The following MYOF variants were observed in gnomAD, a reference collection of about 807,000 sequenced individuals.
MYOF encodes the protein fer-1-like 3, myoferlin.
In MYOF, 244 loss-of-function variants were observed where a neutral mutation model predicts 284.2. The observed-to-expected ratio is 0.86, with a 90% CI of 0.77 to 0.95. MYOF has a LOEUF of 0.95. MYOF is among the 40% of genes least tolerant of loss of function. MYOF has a pLI of 0.00. For synonymous variants in MYOF, 904 were observed against 919.7 expected (o/e 0.98, Z 0.31); for missense variants, 2,496 against 2,560.6 (o/e 0.97, Z 0.54).
chr10:93,384,114 C>A (rs1224305064), intron 19 of MYOF, among the ~76,000 whole-genome samples: 1 of 152,162 alleles, frequency 6.6e-6, no homozygotes, highest in Non-Finnish European at 1.5e-5. Context: ...CGCTGGATCA[C>A]TGTGCAAGCC....
intron 3 of MYOF, among the ~76,000 whole-genome samples, chr10:93,434,159 G>T (rs778257591): frequency 6.6e-6 from 1 of 152,020 alleles, no homozygotes; most frequent in Admixed American, 6.6e-5. Flanking sequence ...GGCCAGGTGC[G>T]GTGGCTCATG....
In MYOF at chr10:93,336,052, AACC is replaced by A. The variant is rs747622888; in HGVS notation, c.4438-9_4438-7del. The A allele has an allele frequency of 6.2e-7, 1 of 1,613,120 alleles. No individual in the cohort carries two copies. The highest frequency in any genetic ancestry group is 1.3e-5 in the African/African-American group (1 of 74,872). On this transcript the variant is annotated splice_polypyrimidine_tract_variant and splice_region_variant and intron_variant, in intron 40 of 53. Coordinates refer to ENST00000359263, the MANE Select transcript of MYOF (RefSeq NM_013451.4). ...TCTAGTTCACAATTATATATCTGAAAACCACCAACAGAGTCTTAATTTCTCATT... is the reference window on the plus strand; with the variant it reads ...TCTAGTTCACAATTATATATCTGAAAACCAACAGAGTCTTAATTTCTCATT...
intron 49 of MYOF, among the ~76,000 whole-genome samples, chr10:93,318,377 C>T (rs1251515259): frequency 6.6e-6 from 1 of 151,994 alleles, no homozygotes; most frequent in Admixed American, 6.6e-5. Context: ...GCTGTGAGTG[C>T]ACCACTACAC....
At chr10:93,461,428 T>C (rs1167987659) in intron 1 of MYOF, among the ~76,000 whole-genome samples, 1 of 151,984 alleles carries the variant, frequency 6.6e-6, no homozygotes, top group African/African-American at 2.4e-5. Flanking sequence ...ACGGGACTGA[T>C]AGAGAAAGGA....
In MYOF at chr10:93,396,169, T is replaced by C. The variant is rs769660930; in HGVS notation, c.1390A>G (p.Ile464Val). 1.2e-6 allele frequency: 2 copies of C among 1,609,706 alleles called. No homozygotes were observed. The highest frequency in any genetic ancestry group is 1.7e-6 in the Non-Finnish European group (2 of 1,177,516). ...TCCACTTCCCCACCAGAGGCAGCAA[T>C]TTTAGAGAGGTGTAGATATGTTGTT... is the stretch of plus-strand genomic sequence containing the variant. Reference protein sequence around the residue: ...VGTTYLHLSKIAASGGEVEDF... With the variant: ...VGTTYLHLSKVAASGGEVEDF... The change falls in exon 16 of 54, where the codon ATT (isoleucine) becomes GTT (valine). Residue 464 changes from isoleucine (I) to valine (V), a missense_variant. By Grantham distance (29) the Ile-to-Val change is conservative. Around this residue, in one of 3 missense-constraint regions of MYOF, gnomAD observed 2,436 missense variants for 2,480.7 expected, o/e 0.98. Transcript: ENST00000359263.
chr10:93,452,000 CAGTG>C, intron 3 of MYOF, 46 bp downstream of exon 3: 3 of 1,260,696 alleles, frequency 2.4e-6, no homozygotes, highest in Non-Finnish European at 3.4e-6. Context: ...AAATAAACAA[CAGTG>C]AGATAGTAAT....
rs58503520 is a variant in MYOF, at chr10:93,428,566, A to AACACACACAC, written c.346-2418_346-2409dup. Among the ~76,000 whole-genome samples the AACACACACAC allele has an allele frequency of 3.6e-3, 513 of 143,916 alleles. 1 individual carries two copies. The highest frequency in any genetic ancestry group is 5.7e-3 in the Admixed American group (81 of 14,326). The allele number at this position is 143,916 out of a possible 152,430, so 94.4% of individuals were successfully genotyped here. The stretch of plus-strand genomic sequence containing the variant: ...TTTGCCACTTTTCCTACATCTGGTA[A>AACACACACAC]ACACACACACACACACACACACACA... On this transcript the variant is annotated intron_variant, in intron 4 of 53. Coordinates refer to ENST00000359263, the MANE Select transcript of MYOF (RefSeq NM_013451.4).
At chr10:93,318,723 A>T (rs769739880) in intron 49 of MYOF, among the ~76,000 whole-genome samples, 5 of 152,104 alleles carry the variant, frequency 3.3e-5, no homozygotes, top group Non-Finnish European at 7.3e-5. Flanking sequence ...GCACCATTGC[A>T]CTCCAGCCTG....
At chr10:93,317,330 T>C (rs909778265) in intron 49 of MYOF, among the ~76,000 whole-genome samples, 6 of 149,926 alleles carry the variant, frequency 4.0e-5, no homozygotes, top group Admixed American at 1.4e-4. Flanking sequence ...ATGTCTGGGA[T>C]TTTTGGCCTT....
At chr10:93,426,008 C>A in intron 5 of MYOF, 63 bp downstream of exon 5, 1 of 1,482,156 alleles carries the variant, frequency 6.7e-7, no homozygotes, top group Non-Finnish European at 9.2e-7. Flanking sequence ...TCCAGACACT[C>A]TCCTGTGTGT....
At chr10:93,348,903 T>TA (rs1844372213) in intron 36 of MYOF, among the ~76,000 whole-genome samples, 1 of 152,150 alleles carries the variant, frequency 6.6e-6, no homozygotes, top group Admixed American at 6.5e-5. Context: ...GTCACTGTGG[T>TA]ATAGAAGGTG....
At chr10:93,346,492 CT>C (rs1844189589) in intron 37 of MYOF, among the ~76,000 whole-genome samples, 1 of 152,270 alleles carries the variant, frequency 6.6e-6, no homozygotes, top group Admixed American at 6.5e-5. Context: ...CCCCCAGCCC[CT>C]AACACAGTCC....
At chr10:93,366,137 C>T (rs1188739074) in intron 26 of MYOF, among the ~76,000 whole-genome samples, 7 of 152,122 alleles carry the variant, frequency 4.6e-5, no homozygotes, top group South Asian at 2.1e-4. Context: ...AGTAAGATGA[C>T]GCCAGTGCCC....
chr10:93,339,091 C>T (rs1843757457), intron 39 of MYOF, among the ~76,000 whole-genome samples: 1 of 148,084 alleles, frequency 6.8e-6, no homozygotes, highest in Non-Finnish European at 1.5e-5. Flanking sequence ...CAGCTCACTG[C>T]AACCTCTGCC....
At chr10:93,395,631 T>G (rs1405622111) in intron 16 of MYOF, among the ~76,000 whole-genome samples, 1 of 126,788 alleles carries the variant, frequency 7.9e-6, no homozygotes, top group East Asian at 1.9e-4. Flanking sequence ...TGGCTATCAA[T>G]GCTTGTCAGA....
At chr10:93,463,230 G>A (rs895145548) in intron 1 of MYOF, among the ~76,000 whole-genome samples, 2 of 151,938 alleles carry the variant, frequency 1.3e-5, no homozygotes, top group Non-Finnish European at 2.9e-5. Context: ...TTCCTTTGCT[G>A]TTCACCTACC....
chr10:93,422,317 G>A (rs1005632620), intron 5 of MYOF, among the ~76,000 whole-genome samples: 1 of 152,176 alleles, frequency 6.6e-6, no homozygotes, highest in African/African-American at 2.4e-5. Context: ...CCGTGGGAGA[G>A]CTGGGCTGCG....
At chr10:93,430,563 C>T (rs1047286254) in intron 4 of MYOF, among the ~76,000 whole-genome samples, 28 of 139,510 alleles carry the variant, frequency 2.0e-4, no homozygotes, top group Non-Finnish European at 3.8e-4. Flanking sequence ...GCCTGGGTGA[C>T]GGAGTGAGAC....
intron 3 of MYOF, among the ~76,000 whole-genome samples, chr10:93,434,033 C>T (rs11187425): frequency 0.2 from 30,113 of 152,062 alleles, 3,114 homozygotes; most frequent in African/African-American, 0.26. Flanking sequence ...ACAGGAGCCC[C>T]CTGTACATGG....
Sources: gnomAD v4.1 joint callset for allele counts (sites outside exome capture counted in the v4.1 genomes callset) on GRCh38, gnomAD v4.1.1 for gene constraint, gnomAD v4.1.1 regional missense constraint, MANE v1.5 for transcripts, NCBI Gene and HGNC (gene_info 2026-07-23, HGNC 2026-07-21) for gene names.